SHQ1: variants seen among roughly 807,000 people sequenced by gnomAD.
SHQ1 encodes the protein protein SHQ1 homolog.
A neutral mutation model predicts 53.8 loss-of-function variants in SHQ1; 49 were observed. That is an observed-to-expected ratio of 0.91 (90% CI 0.72 to 1.16). The LOEUF is 1.16. Among genes scored for constraint, SHQ1 ranks in the 50% most tolerant of loss-of-function variants. The pLI, the probability that SHQ1 is intolerant of heterozygous loss-of-function variation, is 0.00. For missense variants in SHQ1, 738 were observed against 683.1 expected (o/e 1.08, Z -0.90); for synonymous variants, 243 against 251.0 (o/e 0.97, Z 0.30).
intron 10 of SHQ1, among the ~76,000 whole-genome samples, chr3:72,778,440 G>C (rs1019840156): frequency 1.3e-5 from 2 of 150,414 alleles, no homozygotes; most frequent in Non-Finnish European, 2.9e-5. Flanking sequence ...CAGAAACCCT[G>C]TCTCTTTAAA....
Position 72,750,294 on chromosome 3 carries a change from G to T in SHQ1, c.1724C>A (p.Pro575Gln), listed in dbSNP as rs758508152. The change falls in exon 11 of 11, where the codon CCA (proline) becomes CAA (glutamine). Residue 575 changes from proline to glutamine, a missense_variant. Coordinates refer to ENST00000325599, the MANE Select transcript of SHQ1 (RefSeq NM_018130.3). ...NIQERDGCQT[P>Q]NN is the part of the protein sequence containing the mutation. ...AAAACCACCTAAGAGTCAATTATTTGGTGTCTGACAGCCGTCTCTCTCCTG... is the reference window on the plus strand; with the variant it reads ...AAAACCACCTAAGAGTCAATTATTTTGTGTCTGACAGCCGTCTCTCTCCTG... 2.5e-6 allele frequency: 4 copies of T among 1,603,772 alleles called. No individual in the cohort carries two copies. The South Asian group carries it at 4.5e-5, about 18-fold the overall frequency.
chr3:72,810,578 A>G (rs1707087363), intron 9 of SHQ1, among the ~76,000 whole-genome samples: 1 of 152,244 alleles, frequency 6.6e-6, no homozygotes, highest in East Asian at 1.9e-4. Context: ...CCTTTATAAT[A>G]AAAAGTGTGA....
intron 9 of SHQ1, among the ~76,000 whole-genome samples, chr3:72,800,137 C>T (rs1706740756): frequency 6.6e-6 from 1 of 152,176 alleles, no homozygotes; most frequent in African/African-American, 2.4e-5. Context: ...CTTCAAGCTG[C>T]CAGTTCAACC....
the SHQ1 span, among the ~76,000 whole-genome samples, chr3:72,736,092 A>C: frequency 6.6e-6 from 1 of 151,754 alleles, no homozygotes. Context: ...TTGATTGACT[A>C]GGCTTGAGAC....
At chr3:72,823,341 C>T (rs914536791) in intron 6 of SHQ1, among the ~76,000 whole-genome samples, 5 of 151,938 alleles carry the variant, frequency 3.3e-5, no homozygotes, top group African/African-American at 1.2e-4. Flanking sequence ...ATATAACAGG[C>T]ACTATACTAG....
downstream of SHQ1, among the ~76,000 whole-genome samples, chr3:72,748,862 C>T (rs1450027298): frequency 2.6e-5 from 4 of 151,826 alleles, no homozygotes; most frequent in Non-Finnish European, 4.4e-5. Context: ...GGAGGAGGTG[C>T]GAGGATTGCT....
chr3:72,732,593 A>C, the SHQ1 span, among the ~76,000 whole-genome samples: 3 of 150,820 alleles, frequency 2.0e-5, no homozygotes. Context: ...CTGACTCTGG[A>C]CTCCAAGTGA....
At chr3:72,827,356 T>C (rs1247669641) in intron 5 of SHQ1, among the ~76,000 whole-genome samples, 1 of 151,794 alleles carries the variant, frequency 6.6e-6, no homozygotes, top group Non-Finnish European at 1.5e-5. Flanking sequence ...GAGGATAAAA[T>C]TGCCCAGGAA....
intron 10 of SHQ1, among the ~76,000 whole-genome samples, chr3:72,768,782 G>A (rs1006840821): frequency 2.6e-5 from 4 of 152,188 alleles, no homozygotes; most frequent in Non-Finnish European, 5.9e-5. Flanking sequence ...CATCCATAGT[G>A]TGCCTTTACA....
rs1269232458 is a variant in SHQ1 at position 72,750,555 on chromosome 3, A to T, written c.1463T>A (p.Val488Asp). Residue 488 changes from valine (V) to aspartate (D), a missense_variant, in exon 11 of 11, where the codon GTC becomes GAC. Coordinates refer to ENST00000325599, the MANE Select transcript of SHQ1 (RefSeq NM_018130.3). ...AAGAAAGGGACCTTGCAAAGAACTG[A>T]CTGTCTCAGATGGACTATCTTTGAG... ...DELKDSPSETVSSLQGPFLEE... is the reference protein window; with the variant it reads ...DELKDSPSETDSSLQGPFLEE... 6 of 1,614,088 alleles carry T rather than the reference A, an allele frequency of 3.7e-6. No individual in the cohort carries two copies. The Admixed American group carries it at 5.0e-5, about 13-fold the overall frequency.
downstream of SHQ1, among the ~76,000 whole-genome samples, chr3:72,747,679 C>G (rs1322824557): frequency 6.6e-6 from 1 of 152,138 alleles, no homozygotes; most frequent in Non-Finnish European, 1.5e-5. Flanking sequence ...GAGCCCTCTT[C>G]TAGAACCATC....
At chr3:72,732,353 C>CCTGT in the SHQ1 span, among the ~76,000 whole-genome samples, 1 of 114,900 alleles carries the variant, frequency 8.7e-6, no homozygotes, top group Non-Finnish European at 1.8e-5. Context: ...AAAATGCCTG[C>CCTGT]CTGCCTGCCT....
At chr3:72,753,458 G>A in intron 10 of SHQ1, 2 of 985,374 alleles carry the variant, frequency 2.0e-6, no homozygotes, top group South Asian at 4.7e-5. Flanking sequence ...ATGAGATTGT[G>A]CAGGGATTGC....
intron 10 of SHQ1, among the ~76,000 whole-genome samples, chr3:72,788,262 T>C (rs62251659): frequency 0.23 from 33,869 of 148,998 alleles, 3,958 homozygotes; most frequent in Non-Finnish European, 0.25. Flanking sequence ...TCGTCTGGGA[T>C]GTGAGGAGCC....
At chr3:72,822,145 G>A (rs574164088) in intron 6 of SHQ1, among the ~76,000 whole-genome samples, 54 of 152,296 alleles carry the variant, frequency 3.5e-4, no homozygotes, top group African/African-American at 1.2e-3. Flanking sequence ...GGCATGTGGT[G>A]GAACAAGAAG....
the SHQ1 span, among the ~76,000 whole-genome samples, chr3:72,737,617 C>A: frequency 8.5e-5 from 13 of 152,194 alleles, no homozygotes; most frequent in Admixed American, 7.9e-4. Flanking sequence ...TATGTGCATC[C>A]TCCTATATAC....
At chr3:72,773,157 G>A in intron 10 of SHQ1, 1 of 744,214 alleles carries the variant, frequency 1.3e-6, no homozygotes, top group South Asian at 1.4e-5. Context: ...TGGAATTTTG[G>A]AAAAAGACAT....
the SHQ1 span, among the ~76,000 whole-genome samples, chr3:72,740,881 T>A: frequency 2.0e-4 from 31 of 152,226 alleles, no homozygotes; most frequent in African/African-American, 7.2e-4. Context: ...CACTTCCTCC[T>A]TCCTGAGTCG....
chr3:72,751,506 G>GTATATATATATATATATATATATA (rs1312437115), intron 10 of SHQ1, among the ~76,000 whole-genome samples: 7 of 117,442 alleles, frequency 6.0e-5, no homozygotes, highest in African/African-American at 3.1e-4. Flanking sequence ...GTGTGTGTGT[G>GTATATATATATATATATATATATA]TGTATATATA....
Sources: allele counts gnomAD v4.1 joint callset (sites outside exome capture counted in the v4.1 genomes callset), GRCh38; gene constraint gnomAD v4.1.1; transcripts MANE v1.5; gene names NCBI Gene and HGNC (gene_info 2026-07-23, HGNC 2026-07-21).